Variants in LRRC7 observed in about 807,000 individuals in gnomAD.
The protein encoded by LRRC7 is leucine rich repeat containing 7.
LRRC7 carries 23 observed loss-of-function variants against 175.7 expected under a neutral mutation model. The observed-to-expected ratio is 0.13, with a 90% CI of 0.09 to 0.19. The LOEUF is 0.19. Ranked by LOEUF, LRRC7 falls within the 10% of genes least tolerant of loss-of-function variation. The pLI is 1.00. For missense variants in LRRC7, 1,354 were observed against 1,904.7 expected (o/e 0.71, Z 5.38); for synonymous variants, 685 against 680.9 (o/e 1.01, Z -0.09).
In LRRC7 at chr1:70,135,787, CTTGA is replaced by C. The variant is rs892349235; in HGVS notation, c.*13904_*13907del. Among the ~76,000 whole-genome samples, 2 of 152,118 alleles carry C rather than the reference CTTGA, an allele frequency of 1.3e-5. No homozygotes were observed. The highest frequency in any genetic ancestry group is 4.8e-5 in the African/African-American group (2 of 41,424). On this transcript the variant is annotated 3_prime_UTR_variant, in exon 27 of 27. Coordinates refer to ENST00000651989, the MANE Select transcript of LRRC7 (RefSeq NM_001370785.2). ...GCCCTGTAATATTTGTCTATACTGT[CTTGA>C]TTGTTTTAAACCAGCCATCTTTGAT...
rs578250680 is a variant in LRRC7 at position 69,743,346 on chromosome 1, T to C, written c.101-16845T>C. On this transcript the variant is annotated intron_variant, in intron 2 of 26. Coordinates refer to ENST00000651989, the MANE Select transcript of LRRC7 (RefSeq NM_001370785.2). The stretch of plus-strand genomic sequence containing the variant: ...AGAAGGAGTGACATTTGAACTGTCT[T>C]AAAGATGATGATTGATTTCTCCAAG... 9.9e-5 allele frequency among the ~76,000 whole-genome samples: 15 copies of C among 152,082 alleles called. No individual in the cohort carries two copies. The East Asian group carries it at 2.9e-3, about 29-fold the overall frequency.
rs923288860 is a variant in LRRC7, at chr1:69,780,825, A to G, written c.304-11218A>G. Among the ~76,000 whole-genome samples, 8 of 152,266 alleles carry G rather than the reference A, an allele frequency of 5.3e-5. No homozygotes were observed. In the South Asian group the frequency reaches 1.7e-3, roughly 32 times the overall value. ...AGTGAGGCCAACTCACTAGACAACCATTTCTTTTCCCTGGTGAAATCTACA... is the reference window on the plus strand; with the variant it reads ...AGTGAGGCCAACTCACTAGACAACCGTTTCTTTTCCCTGGTGAAATCTACA... On this transcript the variant is annotated intron_variant, in intron 3 of 26. Coordinates refer to ENST00000651989, the MANE Select transcript of LRRC7 (RefSeq NM_001370785.2).
intron 8 of LRRC7, among the ~76,000 whole-genome samples, chr1:69,941,673 A>T: frequency 6.6e-6 from 1 of 152,188 alleles, no homozygotes; most frequent in Non-Finnish European, 1.5e-5. Flanking sequence ...GAAACTACAA[A>T]TTTTAAATTA....
At chr1:69,997,436 T>C (rs1159671443) in intron 11 of LRRC7, among the ~76,000 whole-genome samples, 1 of 150,198 alleles carries the variant, frequency 6.7e-6, no homozygotes, top group Non-Finnish European at 1.5e-5. Flanking sequence ...TCCAACACTA[T>C]GTTGAATAGG....
intron 10 of LRRC7, among the ~76,000 whole-genome samples, chr1:69,987,413 T>C (rs1330602739): frequency 6.6e-6 from 1 of 152,228 alleles, no homozygotes; most frequent in Non-Finnish European, 1.5e-5. Context: ...TTTAACCTCT[T>C]TGAAACAGAT....
Position 70,107,706 on chromosome 1 carries a change from G to C in LRRC7, c.4546-46G>C, listed in dbSNP as rs769942036. The C allele has an allele frequency of 3.8e-5, 55 of 1,442,848 alleles. No homozygotes were observed. The African/African-American group carries it at 5.7e-4, about 15-fold the overall frequency. 89.4% of individuals were successfully genotyped at this position (1,442,848 alleles called of 1,614,324 possible). A position where few individuals can be genotyped will look rare whatever the true frequency, so the allele number is the denominator to read the frequency against. ...AATGAAGATTTGTTTAAGTAGGCCT[G>C]GTTCTTGGTAATAGAATCCTAACCT... On this transcript the variant is annotated intron_variant, in intron 25 of 26. Transcript: ENST00000651989.
At chr1:69,865,641 C>T (rs1235268353) in intron 7 of LRRC7, among the ~76,000 whole-genome samples, 1 of 151,530 alleles carries the variant, frequency 6.6e-6, no homozygotes, top group African/African-American at 2.4e-5. Flanking sequence ...CCACCATGCC[C>T]AACTAATTTT....
intron 1 of LRRC7, among the ~76,000 whole-genome samples, chr1:69,652,003 A>T (rs902048714): frequency 6.6e-6 from 1 of 152,058 alleles, no homozygotes; most frequent in African/African-American, 2.4e-5. Context: ...GGAGGAAAGG[A>T]GAGGAGTGGA....
At chr1:69,663,702 T>C in intron 1 of LRRC7, among the ~76,000 whole-genome samples, 1 of 41,694 alleles carries the variant, frequency 2.4e-5, no homozygotes, top group South Asian at 1.2e-3. Flanking sequence ...TCGTTTTAAT[T>C]TTTTTTTTTT....
At chr1:69,955,454 A>G (rs1258702255) in intron 8 of LRRC7, among the ~76,000 whole-genome samples, 1 of 151,932 alleles carries the variant, frequency 6.6e-6, no homozygotes, top group African/African-American at 2.4e-5. Context: ...GAAAGAGCAT[A>G]ATGAGTCCAC....
chr1:69,679,648 C>A (rs1187318291), intron 2 of LRRC7, among the ~76,000 whole-genome samples: 1 of 151,990 alleles, frequency 6.6e-6, no homozygotes, highest in Admixed American at 6.6e-5. Flanking sequence ...AAAAGTATTG[C>A]GTATTTCTGT....
chr1:69,910,619 G>A (rs1219624064), intron 7 of LRRC7, among the ~76,000 whole-genome samples: 2 of 152,204 alleles, frequency 1.3e-5, no homozygotes, highest in Non-Finnish European at 2.9e-5. Context: ...CTACTGGGAG[G>A]TGCCTCCCAG....
chr1:69,910,275 G>T (rs1037022706), intron 7 of LRRC7, among the ~76,000 whole-genome samples: 1 of 152,144 alleles, frequency 6.6e-6, no homozygotes, highest in Admixed American at 6.5e-5. Flanking sequence ...CTTTTTAGAG[G>T]TTCCAGTTTT....
chr1:70,056,106 T>G (rs1661129945), intron 23 of LRRC7, among the ~76,000 whole-genome samples: 1 of 152,088 alleles, frequency 6.6e-6, no homozygotes, highest in Non-Finnish European at 1.5e-5. Context: ...GGCATCCGAG[T>G]GGAAATGTGC....
rs1041805530 is a variant in LRRC7 at position 70,125,008 on chromosome 1, T to G, written c.*3121T>G. Among the ~76,000 whole-genome samples the G allele has an allele frequency of 6.6e-6, 1 of 152,208 alleles. No homozygotes were observed. The highest frequency in any genetic ancestry group is 1.5e-5 in the Non-Finnish European group (1 of 68,044). On this transcript the variant is annotated 3_prime_UTR_variant, in exon 27 of 27. Transcript: ENST00000651989. ...ATTAGTGGACAATTTTTAAAACTAT[T>G]TACAAGGCTCATAATATTTTGTCAT...
rs534020981 is a variant in LRRC7 at position 69,763,724 on chromosome 1, C to CTA, written c.303+3334_303+3335dup. ...AACTATGTATAAAGTTTTTAATGGC[C>CTA]TATAGGCAGAGCATTGAGCTCTTTA... On this transcript the variant is annotated intron_variant, in intron 3 of 26. Transcript: ENST00000651989. Among the ~76,000 whole-genome samples, 13 of 151,928 alleles carry CTA rather than the reference C, an allele frequency of 8.6e-5. No homozygotes were observed. In the South Asian group the frequency reaches 2.5e-3, roughly 29 times the overall value.
chr1:69,706,022 C>T (rs1663989760), intron 2 of LRRC7, among the ~76,000 whole-genome samples: 1 of 152,094 alleles, frequency 6.6e-6, no homozygotes, highest in Admixed American at 6.6e-5. Context: ...ACACAGGATG[C>T]AACTCTCTTC....
chr1:69,680,009 A>G (rs918382441), intron 2 of LRRC7, among the ~76,000 whole-genome samples: 1 of 152,134 alleles, frequency 6.6e-6, no homozygotes, highest in African/African-American at 2.4e-5. Flanking sequence ...TGTGACAGAG[A>G]CCATATGCCC....
At position 69,631,589 on chromosome 1, in the gene LRRC7, C is replaced by G. The variant is rs1652510498; in HGVS notation, c.3-46792C>G. ...TCCTCCCCCGACAGTCGCTTCTTTC[C>G]CCTCTCCGTAAAGCCCCATGAGAGC... On this transcript the variant is annotated intron_variant, in intron 1 of 26. Transcript: ENST00000651989. Among the ~76,000 whole-genome samples the G allele has an allele frequency of 1.3e-5, 2 of 152,218 alleles. 1 individual carries two copies. The highest frequency in any genetic ancestry group is 4.2e-4 in the South Asian group (2 of 4,818).
Sources: gnomAD v4.1 joint callset for allele counts (sites outside exome capture counted in the v4.1 genomes callset) on GRCh38, gnomAD v4.1.1 for gene constraint, MANE v1.5 for transcripts, NCBI Gene and HGNC (gene_info 2026-07-23, HGNC 2026-07-21) for gene names.